Variants in KRT14 observed in about 807,000 individuals in gnomAD.
The protein encoded by KRT14 is keratin 14.
KRT14 carries 30 observed loss-of-function variants against 44.5 expected under a neutral mutation model. That is an observed-to-expected ratio of 0.67 (90% CI 0.50 to 0.92). KRT14 has a LOEUF of 0.92. Among genes scored for constraint, KRT14 ranks in the 40% least tolerant of loss-of-function variants. KRT14 has a pLI of 0.00. For synonymous variants in KRT14, 241 were observed against 257.6 expected (o/e 0.94, Z 0.62); for missense variants, 535 against 640.6 (o/e 0.84, Z 1.78).
chr17:41,584,032 C>T (rs1487585893), intron 3 of KRT14, 111 bp from the exon 4 acceptor site: 2 of 1,085,430 alleles, frequency 1.8e-6, no homozygotes, highest in Non-Finnish European at 2.8e-6. Context: ...TCGACTCTCC[C>T]TTCTCTCTCT....
intron 1 of KRT14, among the ~76,000 whole-genome samples, chr17:41,585,258 G>A (rs1876462555): frequency 6.6e-6 from 1 of 152,220 alleles, no homozygotes; most frequent in South Asian, 2.1e-4. Flanking sequence ...AACAGAGGGG[G>A]TAGATGCAGC....
intron 1 of KRT14, among the ~76,000 whole-genome samples, chr17:41,585,831 C>A (rs1483322515): frequency 2.0e-5 from 3 of 152,234 alleles, no homozygotes; most frequent in Admixed American, 2.0e-4. Flanking sequence ...CAGCCTGTAC[C>A]AAGGCTTATG....
At chr17:41,582,672 G>A (rs542533298) in intron 7 of KRT14, 140 bp from the exon 8 acceptor site, 12 of 718,652 alleles carry the variant, frequency 1.7e-5, no homozygotes, top group African/African-American at 7.0e-5. Flanking sequence ...ACTCCCTGCT[G>A]TTGCCCAAGC....
chr17:41,582,589 A>G, intron 7 of KRT14, 57 bp from the exon 8 acceptor site: 2 of 1,371,910 alleles, frequency 1.5e-6, no homozygotes, highest in South Asian at 2.5e-5. Context: ...TGGACTAATC[A>G]GGAGTAAGGA....
Position 41,582,295 on chromosome 17 carries a change from A to T in KRT14, c.*140T>A. 1 of 658,074 alleles carries T rather than the reference A, an allele frequency of 1.5e-6. No individual in the cohort carries two copies. Among genetic ancestry groups the T allele is most frequent in the South Asian group, 1.8e-5 (1 of 57,128 alleles). 40.8% of individuals were successfully genotyped at this position (658,074 alleles called of 1,614,324 possible). The stretch of plus-strand genomic sequence containing the variant: ...AGGCGAGAATTATGCAACTCAGATA[A>T]TGAAGCTGTATTGATTGCCAGGAGG... On this transcript the variant is annotated 3_prime_UTR_variant, in exon 8 of 8. Coordinates refer to ENST00000167586, the MANE Select transcript of KRT14 (RefSeq NM_000526.5).
At position 41,584,311 on chromosome 17, in the gene KRT14, C is replaced by T; in HGVS notation, c.711G>A (p.Met237Ile). ...ELTLARADLE[M>I]QIESLKEELA... ...GCTCCTCCTTCAGGCTCTCAATCTG[C>T]ATCTCCAGGTCAGCTCTGGCCAGGG... The change falls in exon 3 of 8, where the codon ATG becomes ATA. Residue 237 changes from methionine (M) to isoleucine (I), a missense_variant. Transcript: ENST00000167586. The T allele has an allele frequency of 6.2e-7, 1 of 1,614,068 alleles. No homozygotes were observed. Among genetic ancestry groups the T allele is most frequent in the Non-Finnish European group, 8.5e-7 (1 of 1,180,020 alleles).
At chr17:41,583,019 C>A in intron 7 of KRT14, 75 bp downstream of exon 7, 1 of 1,431,220 alleles carries the variant, frequency 7.0e-7, no homozygotes, top group South Asian at 1.1e-5. Flanking sequence ...CACGGAGCCC[C>A]TAGCCAATGC....
Position 41,586,343 on chromosome 17 carries a change from G to A in KRT14, c.492C>T (p.Pro164=). 1 of 1,612,684 alleles carries A rather than the reference G, an allele frequency of 6.2e-7. No homozygotes were observed. The highest frequency in any genetic ancestry group is 8.5e-7 in the Non-Finnish European group (1 of 1,180,010). The change falls in exon 1 of 8, where the codon CCC becomes CCT. Residue 164 remains proline (P), a synonymous_variant. Coordinates refer to ENST00000167586, the MANE Select transcript of KRT14 (RefSeq NM_000526.5). Reference sequence around the variant, plus strand: ...TCAGGTCCTCAATGGTCTTGAAGTAGGGACTGTAGTCTTTGATCTCAGCAG... The same window carrying A: ...TCAGGTCCTCAATGGTCTTGAAGTAAGGACTGTAGTCTTTGATCTCAGCAG... ...QRPAEIKDYS[P]YFKTIEDLRN...
In KRT14 at chr17:41,582,541, G is replaced by A; in HGVS notation, c.1322-9C>T. 2 of 1,553,356 alleles carry A rather than the reference G, an allele frequency of 1.3e-6. No individual in the cohort carries two copies. Among genetic ancestry groups the A allele is most frequent in the Non-Finnish European group, 1.7e-6 (2 of 1,146,760 alleles). Reference sequence around the variant, plus strand: ...GCGGCTGGAGGAGGTCACTGGGGAAGAGGTGGGAAGAGGACGTTACCAGAG... The same window carrying A: ...GCGGCTGGAGGAGGTCACTGGGGAAAAGGTGGGAAGAGGACGTTACCAGAG... On this transcript the variant is annotated splice_polypyrimidine_tract_variant and intron_variant, in intron 7 of 7. Coordinates refer to ENST00000167586, the MANE Select transcript of KRT14 (RefSeq NM_000526.5).
At chr17:41,584,228 T>G (rs1454039648) in intron 3 of KRT14, 29 bp downstream of exon 3, 1 of 1,613,234 alleles carries the variant, frequency 6.2e-7, no homozygotes, top group African/African-American at 1.3e-5. Flanking sequence ...TGCATTTCTT[T>G]TAAGCTGACT....
chr17:41,583,955 T>A (rs372692465), intron 3 of KRT14, 34 bp from the exon 4 acceptor site: 1 of 1,612,972 alleles, frequency 6.2e-7, no homozygotes, highest in East Asian at 2.2e-5. Flanking sequence ...AGTCAGGAGT[T>A]CCACCATGGC....
chr17:41,584,370 T>A lies in KRT14; in HGVS notation c.652A>T (p.Ile218Phe). The change falls in exon 3 of 8, where the codon ATC becomes TTC. Residue 218 changes from isoleucine (I) to phenylalanine (F), a missense_variant. By Grantham distance (21) the Ile-to-Phe change is conservative. Coordinates refer to ENST00000167586, the MANE Select transcript of KRT14 (RefSeq NM_000526.5). ...TCCAGCACCCTGCGCAGGCCATTGA[T>A]GTCGGCTTCCACACTCATGCGCAGG... ...LNLRMSVEAD[I>F]NGLRRVLDEL... 2 of 1,614,136 alleles carry A rather than the reference T, an allele frequency of 1.2e-6. No individual in the cohort carries two copies. Among genetic ancestry groups the A allele is most frequent in the Non-Finnish European group, 1.7e-6 (2 of 1,180,038 alleles).
chr17:41,583,059 C>G lies in KRT14; in HGVS notation c.1321+35G>C, dbSNP rs369628416. 4 of 1,608,654 alleles carry G rather than the reference C, an allele frequency of 2.5e-6. No individual in the cohort carries two copies. In the African/African-American group the frequency reaches 4.0e-5, roughly 16 times the overall value. ...ACCTGCTTGGGGTACAGAGGGTGGC[C>G]TGGAGCCCAGGCCTGCAGAGGAGGA... On this transcript the variant is annotated intron_variant, in intron 7 of 7. Transcript: ENST00000167586.
At chr17:41,585,987 T>C (rs924003526) in intron 1 of KRT14, among the ~76,000 whole-genome samples, 9 of 152,266 alleles carry the variant, frequency 5.9e-5, no homozygotes, top group Admixed American at 5.9e-4. Context: ...GGCCCCAGCC[T>C]TGGCTCTGCC....
In KRT14 at chr17:41,586,341, T is replaced by A. The variant is rs1334654175; in HGVS notation, c.494A>T (p.Tyr165Phe). ...CCTCAGGTCCTCAATGGTCTTGAAG[T>A]AGGGACTGTAGTCTTTGATCTCAGC... ...RPAEIKDYSP[Y>F]FKTIEDLRNK... The change falls in exon 1 of 8, where the codon TAC (tyrosine) becomes TTC (phenylalanine). Residue 165 changes from tyrosine (Y) to phenylalanine (F), a missense_variant. Physicochemically the swap from Tyr to Phe is conservative, Grantham distance 22. Coordinates refer to ENST00000167586, the MANE Select transcript of KRT14 (RefSeq NM_000526.5). 6.2e-7 allele frequency: 1 copy of A among 1,612,636 alleles called. No individual in the cohort carries two copies. The highest frequency in any genetic ancestry group is 1.7e-5 in the Admixed American group (1 of 60,032).
At position 41,584,925 on chromosome 17, in the gene KRT14, T is replaced by C. The variant is rs759762663; in HGVS notation, c.608+50A>G. ...TATTTGGGAAACACTGCTCCAAAAA[T>C]GCCCTACTCTGGGGACACTGGATGT... On this transcript the variant is annotated intron_variant, in intron 2 of 7. Transcript: ENST00000167586. 8 of 1,392,654 alleles carry C rather than the reference T, an allele frequency of 5.7e-6. No individual in the cohort carries two copies. In the East Asian group the frequency reaches 1.8e-4, roughly 32 times the overall value. The allele number at this position is 1,392,654 out of a possible 1,614,324, so 86.3% of individuals were successfully genotyped here. A position where few individuals can be genotyped will look rare whatever the true frequency, so the allele number is the denominator to read the frequency against.
intron 2 of KRT14, 91 bp from the exon 3 acceptor site, chr17:41,584,504 G>C: frequency 2.1e-6 from 3 of 1,463,016 alleles, no homozygotes; most frequent in Non-Finnish European, 2.9e-6. Context: ...TCCCAGAGCT[G>C]GTGCCTTGTG....
At chr17:41,582,829 C>T (rs1308915026) in intron 7 of KRT14, 5 of 602,384 alleles carry the variant, frequency 8.3e-6, no homozygotes, top group South Asian at 2.0e-5. Flanking sequence ...GTGGGAAGAG[C>T]CCTGTAGGGC....
chr17:41,583,323 G>T lies in KRT14; in HGVS notation c.1186C>A (p.Gln396Lys). 6.2e-7 allele frequency: 1 copy of T among 1,613,748 alleles called. No homozygotes were observed. Among genetic ancestry groups the T allele is most frequent in the Middle Eastern group, 1.7e-4 (1 of 5,756 alleles). The change falls in exon 6 of 8, where the codon CAG (glutamine) becomes AAG (lysine). Residue 396 changes from glutamine (Q) to lysine (K), a missense_variant. By Grantham distance (53) the Gln-to-Lys change is moderately conservative. Coordinates refer to ENST00000167586, the MANE Select transcript of KRT14 (RefSeq NM_000526.5). ...ACGTCCAGCAGGATCTTGTACTCCT[G>T]GTTCTGCTGCTCCATCTCGCAGCGG... The part of the protein sequence containing the change: ...QLRCEMEQQN[Q>K]EYKILLDVKT...
Sources: gnomAD v4.1 joint callset for allele counts (sites outside exome capture counted in the v4.1 genomes callset) on GRCh38, gnomAD v4.1.1 for gene constraint, MANE v1.5 for transcripts, NCBI Gene and HGNC (gene_info 2026-07-23, HGNC 2026-07-21) for gene names.